Variants in CFH observed in about 807,000 individuals in gnomAD.
CFH encodes the protein H factor 1 (complement).
In CFH, 53 loss-of-function variants were observed where a neutral mutation model predicts 147.3. The observed-to-expected ratio is 0.36, with a 90% CI of 0.29 to 0.45. The LOEUF is 0.45. CFH is among the 20% of genes least tolerant of loss of function. The pLI is 1.00. For synonymous variants in CFH, 536 were observed against 489.4 expected, an observed-to-expected ratio of 1.10 and a Z score of -1.26; for missense variants, 1,380 against 1,498.0, an observed-to-expected ratio of 0.92 and a Z score of 1.30.
intron 9 of CFH, among the ~76,000 whole-genome samples, chr1:196,693,988 G>A (rs1668159260): frequency 6.7e-6 from 1 of 149,382 alleles, no homozygotes; most frequent in South Asian, 2.1e-4. Flanking sequence ...GTGTGTGTGT[G>A]TGTTTTATTA....
At chr1:196,730,360 T>G (rs538045300) in intron 15 of CFH, among the ~76,000 whole-genome samples, 1 of 152,020 alleles carries the variant, frequency 6.6e-6, no homozygotes, top group African/African-American at 2.4e-5. Flanking sequence ...GAGCATATTG[T>G]CTAATTTTCA....
Position 196,679,630 on chromosome 1 carries a change from A to G in CFH, c.627A>G (p.Ser209=). Residue 209 remains serine, a synonymous_variant, in exon 6 of 22, where the codon TCA becomes TCG. Transcript: ENST00000367429. Reference sequence around the variant, plus strand: ...TTAATCCCTTTTATTTAGAAATTTCATGCAAATCCCCAGATGTTATAAATG... The same window carrying G: ...TTAATCCCTTTTATTTAGAAATTTCGTGCAAATCCCCAGATGTTATAAATG... ...SKEKPKCVEI[S]CKSPDVINGS... The G allele has an allele frequency of 6.2e-7, 1 of 1,601,908 alleles. No individual in the cohort carries two copies. The highest frequency in any genetic ancestry group is 8.5e-7 in the Non-Finnish European group (1 of 1,170,450).
Position 196,745,878 on chromosome 1 carries a change from G to A in CFH, c.3372G>A (p.Pro1124=), listed in dbSNP as rs41265217. 16 of 1,614,040 alleles carry A rather than the reference G, an allele frequency of 9.9e-6. No individual in the cohort carries two copies. Among genetic ancestry groups the A allele is most frequent in the South Asian group, 3.3e-5 (3 of 91,074 alleles). Residue 1124 remains proline (P), a synonymous_variant, in exon 21 of 22, where the codon CCG becomes CCA. Coordinates refer to ENST00000367429, the MANE Select transcript of CFH (RefSeq NM_000186.4). ...ACAATGGGGACATTACTTCATTCCC[G>A]TTGTCAGTATATGCTCCAGCTTCAT... ...PIDNGDITSF[P]LSVYAPASSV...
chr1:196,736,223 TA>T (rs1336895074), intron 15 of CFH, among the ~76,000 whole-genome samples: 1 of 152,126 alleles, frequency 6.6e-6, no homozygotes, highest in Non-Finnish European at 1.5e-5. Context: ...TAAATATCCC[TA>T]AACAGTACAG....
chr1:196,709,784 T>A (rs1668680927), intron 9 of CFH, among the ~76,000 whole-genome samples: 1 of 151,890 alleles, frequency 6.6e-6, no homozygotes, highest in African/African-American at 2.4e-5. Flanking sequence ...CTCCTTTAGG[T>A]TCTGCATATG....
chr1:196,674,225 TA>T (rs1369839810), intron 3 of CFH, among the ~76,000 whole-genome samples: 3 of 152,146 alleles, frequency 2.0e-5, no homozygotes, highest in Non-Finnish European at 4.4e-5. Flanking sequence ...CATATATAAG[TA>T]TTCACCCAAC....
At chr1:196,707,421 G>A (rs1668617559) in intron 9 of CFH, among the ~76,000 whole-genome samples, 1 of 152,172 alleles carries the variant, frequency 6.6e-6, no homozygotes, top group Non-Finnish European at 1.5e-5. Flanking sequence ...CGAGTTTGTG[G>A]TTCCAGCAGA....
At chr1:196,728,209 A>G (rs1669192982) in intron 14 of CFH, 137 bp from the exon 15 acceptor site, 2 of 620,274 alleles carry the variant, frequency 3.2e-6, no homozygotes, top group Non-Finnish European at 5.1e-6. Context: ...GATCAGGAAT[A>G]ACTTGGTTGG....
Position 196,737,089 on chromosome 1 carries a change from T to C in CFH, c.2596+83T>C, listed in dbSNP as rs3753397. The stretch of plus-strand genomic sequence containing the variant: ...GTGCTTCGTGTAAACAAGAGAGAAG[T>C]TCTTTCTCTGTGTCTATTACTTTAT... On this transcript the variant is annotated intron_variant, in intron 16 of 21. Transcript: ENST00000367429. 371 of 1,195,772 alleles carry C rather than the reference T, an allele frequency of 3.1e-4. 2 individuals carry two copies. In the East Asian group the frequency reaches 9.2e-3, roughly 30 times the overall value. The allele number at this position is 1,195,772 out of a possible 1,614,324, so 74.1% of individuals were successfully genotyped here.
At chr1:196,698,365 A>G (rs943044831) in intron 9 of CFH, among the ~76,000 whole-genome samples, 3 of 152,102 alleles carry the variant, frequency 2.0e-5, no homozygotes, top group Non-Finnish European at 2.9e-5. Flanking sequence ...AATCAAATAG[A>G]CACAATAAAA....
chr1:196,675,411 C>T (rs1667421226), intron 3 of CFH, among the ~76,000 whole-genome samples: 1 of 152,128 alleles, frequency 6.6e-6, no homozygotes, highest in Non-Finnish European at 1.5e-5. Context: ...GTAAATCACA[C>T]ACTAACAACT....
At chr1:196,742,718 C>A (rs1221444335) in intron 19 of CFH, among the ~76,000 whole-genome samples, 1 of 152,136 alleles carries the variant, frequency 6.6e-6, no homozygotes, top group East Asian at 1.9e-4. Flanking sequence ...TTACCAACAC[C>A]TCCAGGGAAT....
At chr1:196,677,397 G>A in intron 4 of CFH, 79 bp from the exon 5 acceptor site, 1 of 1,284,858 alleles carries the variant, frequency 7.8e-7, no homozygotes, top group South Asian at 1.2e-5. Flanking sequence ...TTATCCTGAG[G>A]ATGATTTTAT....
At chr1:196,686,176 T>C (rs1183312934) in intron 7 of CFH, among the ~76,000 whole-genome samples, 2 of 152,078 alleles carry the variant, frequency 1.3e-5, no homozygotes, top group African/African-American at 2.4e-5. Flanking sequence ...TCCCTCAACA[T>C]TGGGAATTAC....
chr1:196,660,674 C>A (rs900490478), intron 1 of CFH, among the ~76,000 whole-genome samples: 2 of 152,014 alleles, frequency 1.3e-5, no homozygotes, highest in African/African-American at 2.4e-5. Flanking sequence ...GGAAAAAGCA[C>A]CAGAATTTTA....
Position 196,715,738 on chromosome 1 carries a change from C to T in CFH, c.1665C>T (p.Tyr555=). ...CCACTGGTTCCATAGTGTGTGGTTA[C>T]AATGGTTGGTCTGATTTACCCATAT... ...GSTTGSIVCG[Y]NGWSDLPICY... Residue 555 remains tyrosine, a synonymous_variant, in exon 11 of 22, where the codon TAC becomes TAT. Coordinates refer to ENST00000367429, the MANE Select transcript of CFH (RefSeq NM_000186.4). 6.2e-7 allele frequency: 1 copy of T among 1,612,570 alleles called. No homozygotes were observed. Among genetic ancestry groups the T allele is most frequent in the Non-Finnish European group, 8.5e-7 (1 of 1,179,084 alleles).
chr1:196,725,411 A>T (rs537058072), intron 12 of CFH, 114 bp downstream of exon 12: 1 of 1,007,102 alleles, frequency 9.9e-7, no homozygotes, highest in Non-Finnish European at 1.5e-6. Context: ...ATTAAGTCAA[A>T]TATTTGCCTG....
chr1:196,745,628 C>T (rs149950523), intron 20 of CFH, among the ~76,000 whole-genome samples, 189 bp from the exon 21 acceptor site: 1 of 152,084 alleles, frequency 6.6e-6, no homozygotes, highest in Admixed American at 6.6e-5. Flanking sequence ...TCTTTCAGTA[C>T]GGAGAAAAGA....
chr1:196,743,127 G>A lies in CFH; in HGVS notation c.3134-325G>A, dbSNP rs1984894. Among the ~76,000 whole-genome samples, 591 of 152,044 alleles carry A rather than the reference G, an allele frequency of 3.9e-3. 1 individual carries two copies. The highest frequency in any genetic ancestry group is 0.014 in the African/African-American group (572 of 41,486). The stretch of plus-strand genomic sequence containing the variant: ...AAATTAATGTTAAATAAATAGAACT[G>A]GTAATATTTGTTTACTCAAACTCAA... On this transcript the variant is annotated intron_variant, in intron 19 of 21. Transcript: ENST00000367429.
Sources: allele counts gnomAD v4.1 joint callset (sites outside exome capture counted in the v4.1 genomes callset), GRCh38; gene constraint gnomAD v4.1.1; transcripts MANE v1.5; gene names NCBI Gene and HGNC (gene_info 2026-07-23, HGNC 2026-07-21).